The following ZC3H12B variants were observed in gnomAD, a reference collection of about 807,000 sequenced individuals.
ZC3H12B encodes probable ribonuclease ZC3H12B.
In ZC3H12B, 7 loss-of-function variants were observed where a neutral mutation model predicts 43.9. The ratio of observed to expected loss-of-function variants is 0.16; its 90% CI spans 0.09 to 0.30. The LOEUF is 0.30. Ranked by LOEUF, ZC3H12B falls within the 10% of genes least tolerant of loss-of-function variation. The pLI is 1.00. For missense variants in ZC3H12B, 475 were observed against 670.2 expected (o/e 0.71, Z 3.22); for synonymous variants, 222 against 241.7 (o/e 0.92, Z 0.76).
chrX:65,447,454 A>G (rs1461304551), intron 3 of ZC3H12B, among the ~76,000 whole-genome samples: 1 of 112,049 alleles, frequency 8.9e-6, no homozygotes, highest in East Asian at 2.8e-4. Context: ...TAAATCCAAG[A>G]CTTAAATCTA....
At chrX:65,151,244 A>C in the ZC3H12B span, among the ~76,000 whole-genome samples, 1 of 112,092 alleles carries the variant, frequency 8.9e-6, no homozygotes, top group Non-Finnish European at 1.9e-5. Context: ...AAACCAAGAA[A>C]AAATTTTTCC....
chrX:65,213,555 C>A, the ZC3H12B span, among the ~76,000 whole-genome samples: 158 of 111,004 alleles, frequency 1.4e-3, no homozygotes, highest in African/African-American at 4.2e-3. Context: ...CCCTCCAAAT[C>A]TCATGTTGAA....
chrX:65,273,275 G>C, the ZC3H12B span, among the ~76,000 whole-genome samples: 1 of 111,853 alleles, frequency 8.9e-6, no homozygotes, highest in Non-Finnish European at 1.9e-5. Flanking sequence ...AAATGTATCA[G>C]ATAGACATCT....
chrX:65,142,720 T>C, the ZC3H12B span, among the ~76,000 whole-genome samples: 39 of 112,630 alleles, frequency 3.5e-4, no homozygotes, highest in Non-Finnish European at 6.0e-4. Flanking sequence ...TTACATGTGG[T>C]TAGCCAATTA....
the ZC3H12B span, among the ~76,000 whole-genome samples, chrX:65,302,827 G>A: frequency 8.9e-6 from 1 of 111,891 alleles, no homozygotes; most frequent in African/African-American, 3.2e-5. Flanking sequence ...TAGTGGAACA[G>A]AATGGAAAAC....
the ZC3H12B span, among the ~76,000 whole-genome samples, chrX:65,149,194 A>C: frequency 9.0e-6 from 1 of 111,143 alleles, no homozygotes; most frequent in Non-Finnish European, 1.9e-5. Context: ...AGTGTTCCCT[A>C]TGAGACATCT....
chrX:65,453,277 T>C (rs1244685644), intron 3 of ZC3H12B, among the ~76,000 whole-genome samples: 1 of 100,429 alleles, frequency 1.0e-5, no homozygotes, highest in Admixed American at 1.1e-4. Context: ...AGCCATTATA[T>C]GAAAAAGACA....
chrX:65,378,865 G>A (rs1050036530), intron 2 of ZC3H12B, among the ~76,000 whole-genome samples: 11 of 112,234 alleles, frequency 9.8e-5, no homozygotes, highest in Non-Finnish European at 1.7e-4. Flanking sequence ...CTGGAAAATC[G>A]GGTCACTCCC....
the ZC3H12B span, among the ~76,000 whole-genome samples, chrX:65,211,104 A>G: frequency 9.6e-6 from 1 of 104,229 alleles, no homozygotes; most frequent in Non-Finnish European, 2.0e-5. Flanking sequence ...AAAAAAAAAA[A>G]GAACTTTTGA....
At chrX:65,160,984 G>T in the ZC3H12B span, among the ~76,000 whole-genome samples, 1 of 111,045 alleles carries the variant, frequency 9.0e-6, no homozygotes, top group Admixed American at 9.6e-5. Context: ...TGGTTTCAAA[G>T]AACATCTTTA....
chrX:65,294,548 G>T, the ZC3H12B span, among the ~76,000 whole-genome samples: 2 of 111,252 alleles, frequency 1.8e-5, no homozygotes, highest in African/African-American at 3.3e-5. Flanking sequence ...TCCACCTAAA[G>T]GAAACAGAAT....
the ZC3H12B span, among the ~76,000 whole-genome samples, chrX:65,205,318 A>G: frequency 9.0e-6 from 1 of 111,683 alleles, no homozygotes. Flanking sequence ...TTACCAGCAA[A>G]AGAAGTAACC....
At chrX:65,152,762 C>A in the ZC3H12B span, among the ~76,000 whole-genome samples, 1 of 111,632 alleles carries the variant, frequency 9.0e-6, no homozygotes, top group Admixed American at 9.5e-5. Context: ...CAAAAAAGAG[C>A]CCGCATTGCC....
the ZC3H12B span, among the ~76,000 whole-genome samples, chrX:65,310,952 G>T: frequency 2.1e-4 from 23 of 112,194 alleles, no homozygotes; most frequent in African/African-American, 6.5e-4. Flanking sequence ...TATGTAGAAA[G>T]CTGAAACTGG....
the ZC3H12B span, among the ~76,000 whole-genome samples, chrX:65,262,725 T>C: frequency 9.0e-6 from 1 of 111,278 alleles, no homozygotes. Flanking sequence ...GTGTCCAAGA[T>C]CACAATGCTA....
the ZC3H12B span, among the ~76,000 whole-genome samples, chrX:65,092,610 G>T: frequency 4.5e-5 from 5 of 111,785 alleles, no homozygotes; most frequent in Admixed American, 3.8e-4. Flanking sequence ...GGGATCTGTG[G>T]AAATTTGAGC....
chrX:65,408,543 G>A (rs761494041), intron 3 of ZC3H12B: 863 of 1,199,739 alleles, frequency 7.2e-4, no homozygotes, highest in Non-Finnish European at 8.3e-4. Flanking sequence ...CAGCCTCCTG[G>A]AATCCCGCCC....
chrX:65,392,015 C>T (rs746398300), intron 2 of ZC3H12B, among the ~76,000 whole-genome samples: 2 of 111,839 alleles, frequency 1.8e-5, no homozygotes, highest in African/African-American at 6.5e-5. Context: ...GATCTGCCTG[C>T]CTCAGCCTCC....
At chrX:65,264,247 A>G in the ZC3H12B span, among the ~76,000 whole-genome samples, 1 of 111,554 alleles carries the variant, frequency 9.0e-6, no homozygotes, top group African/African-American at 3.3e-5. Context: ...GAAATTTCAG[A>G]CTTCACCGCT....
Sources: gnomAD v4.1 joint callset for allele counts (sites outside exome capture counted in the v4.1 genomes callset) on GRCh38, gnomAD v4.1.1 for gene constraint, MANE v1.5 for transcripts, NCBI Gene and HGNC (gene_info 2026-07-23, HGNC 2026-07-21) for gene names.